RYR2: variants seen among roughly 807,000 people sequenced by gnomAD.
RYR2 encodes cardiac muscle ryanodine receptor-calcium release channel.
In RYR2, 227 loss-of-function variants were observed where a neutral mutation model predicts 601.1. The ratio of observed to expected loss-of-function variants is 0.38; its 90% CI spans 0.34 to 0.42. The LOEUF (loss-of-function observed/expected upper bound fraction) is 0.42. Among genes scored for constraint, RYR2 ranks in the 10% least tolerant of loss-of-function variants. RYR2 has a pLI of 1.00. For missense variants in RYR2, 4,646 were observed against 6,156.5 expected, an observed-to-expected ratio of 0.75 and a Z score of 8.21; for synonymous variants, 2,223 against 2,175.1, an observed-to-expected ratio of 1.02 and a Z score of -0.61.
chr1:237,664,793 A>AG (rs1684148431), intron 56 of RYR2, among the ~76,000 whole-genome samples: 1 of 152,190 alleles, frequency 6.6e-6, no homozygotes, highest in African/African-American at 2.4e-5. Context: ...TAGCTGTGTT[A>AG]GGTGAGGTAA....
chr1:237,679,423 A>T (rs1421291894), intron 61 of RYR2, among the ~76,000 whole-genome samples: 1 of 152,170 alleles, frequency 6.6e-6, no homozygotes, highest in African/African-American at 2.4e-5. Context: ...AGTCCCCATT[A>T]TATATAGCTG....
intron 2 of RYR2, among the ~76,000 whole-genome samples, chr1:237,285,298 G>A (rs894338367): frequency 2.4e-4 from 36 of 152,182 alleles, no homozygotes; most frequent in African/African-American, 7.5e-4. Context: ...TGTGATTTTT[G>A]TTTTTAATTC....
Position 237,631,490 on chromosome 1 carries a change from C to T in RYR2, c.6504C>T (p.His2168=), listed in dbSNP as rs760237464. 1.4e-5 allele frequency: 22 copies of T among 1,613,264 alleles called. No individual in the cohort carries two copies. The highest frequency in any genetic ancestry group is 1.1e-5 in the South Asian group (1 of 91,028). The change falls in exon 42 of 105, where the codon CAC becomes CAT. Residue 2168 remains histidine, a synonymous_variant. Transcript: ENST00000366574. ...HPNLMRALGM[H]ETVMEVMVNV... ...ATCTCATGAGGGCACTGGGGATGCA[C>T]GAGACTGTGATGGAGGTCATGGTGA...
intron 59 of RYR2, among the ~76,000 whole-genome samples, 156 bp downstream of exon 59, chr1:237,674,375 C>T (rs964184868): frequency 2.0e-5 from 3 of 152,062 alleles, no homozygotes; most frequent in African/African-American, 7.2e-5. Flanking sequence ...GAAACATTAA[C>T]ACCCCTAGCT....
chr1:237,217,289 G>C (rs1406273446), intron 1 of RYR2, among the ~76,000 whole-genome samples: 1 of 150,468 alleles, frequency 6.6e-6, no homozygotes, highest in Admixed American at 6.6e-5. Flanking sequence ...TGCCTGACTT[G>C]TTGATCTATG....
At chr1:237,625,052 ATT>A (rs774400711) in intron 39 of RYR2, among the ~76,000 whole-genome samples, 12 of 144,662 alleles carry the variant, frequency 8.3e-5, no homozygotes, top group African/African-American at 2.9e-4. Flanking sequence ...GTATATATAT[ATT>A]TTTTTTTTTC....
intron 14 of RYR2, among the ~76,000 whole-genome samples, chr1:237,453,033 T>G (rs1658384734): frequency 6.6e-6 from 1 of 152,122 alleles, no homozygotes. Flanking sequence ...TACTGAATCG[T>G]TTTTGAATTT....
chr1:237,570,381 CG>C (rs1672560728), intron 29 of RYR2, among the ~76,000 whole-genome samples: 1 of 149,876 alleles, frequency 6.7e-6, no homozygotes, highest in African/African-American at 2.5e-5. Context: ...TCTTGTCGCC[CG>C]GGCTGGAGTT....
At chr1:237,804,863 G>A (rs1218081491) in intron 98 of RYR2, among the ~76,000 whole-genome samples, 1 of 152,154 alleles carries the variant, frequency 6.6e-6, no homozygotes, top group Non-Finnish European at 1.5e-5. Flanking sequence ...AGAAAAGGAG[G>A]GAGAGAAAGC....
chr1:237,212,983 G>T (rs1324892231), intron 1 of RYR2, among the ~76,000 whole-genome samples: 1 of 151,890 alleles, frequency 6.6e-6, no homozygotes, highest in Non-Finnish European at 1.5e-5. Context: ...TGTTGTCCAG[G>T]CTGGTCTCAA....
chr1:237,595,253 G>T (rs1179900795), intron 33 of RYR2, among the ~76,000 whole-genome samples: 1 of 152,060 alleles, frequency 6.6e-6, no homozygotes, highest in Non-Finnish European at 1.5e-5. Context: ...TTCTTACTTG[G>T]TTCCAACTTG....
chr1:237,316,310 A>G (rs1313720975), intron 2 of RYR2, among the ~76,000 whole-genome samples: 1 of 152,140 alleles, frequency 6.6e-6, no homozygotes, highest in Non-Finnish European at 1.5e-5. Context: ...TGGCTTTCAG[A>G]TACTTTTATA....
At position 237,716,058 on chromosome 1, in the gene RYR2, A is replaced by G. The variant is rs75958600; in HGVS notation, c.10324-1140A>G. 2.8e-3 allele frequency among the ~76,000 whole-genome samples: 429 copies of G among 152,254 alleles called. 2 individuals carry two copies. Among genetic ancestry groups the G allele is most frequent in the African/African-American group, 9.7e-3 (405 of 41,582 alleles). Reference sequence around the variant, plus strand: ...CATATCTTTTTGGAACAGAAGTATAATTCTTACTGCTATGGTTCAGAAGAT... The same window carrying G: ...CATATCTTTTTGGAACAGAAGTATAGTTCTTACTGCTATGGTTCAGAAGAT... On this transcript the variant is annotated intron_variant, in intron 71 of 104. Transcript: ENST00000366574.
At chr1:237,290,332 T>G (rs1468460815) in intron 2 of RYR2, among the ~76,000 whole-genome samples, 1 of 152,140 alleles carries the variant, frequency 6.6e-6, no homozygotes, top group Non-Finnish European at 1.5e-5. Context: ...TAAAAGCAGA[T>G]GAGTGGTTGG....
chr1:237,716,969 G>T (rs1305684875), intron 71 of RYR2, among the ~76,000 whole-genome samples: 2 of 151,956 alleles, frequency 1.3e-5, no homozygotes, highest in African/African-American at 2.4e-5. Flanking sequence ...AATTACGTGG[G>T]AATGCATACC....
At chr1:237,551,791 A>G (rs528603898) in intron 27 of RYR2, among the ~76,000 whole-genome samples, 126 of 152,244 alleles carry the variant, frequency 8.3e-4, no homozygotes, top group African/African-American at 2.5e-3. Flanking sequence ...TTATATATTC[A>G]CTGTGTAAGT....
intron 8 of RYR2, among the ~76,000 whole-genome samples, chr1:237,385,035 G>A (rs1039364187): frequency 1.3e-5 from 2 of 151,876 alleles, no homozygotes; most frequent in Non-Finnish European, 2.9e-5. Flanking sequence ...GATTACAAGT[G>A]CCTGCCACCA....
At chr1:237,688,761 AT>A (rs1235334155) in intron 63 of RYR2, among the ~76,000 whole-genome samples, 2 of 152,150 alleles carry the variant, frequency 1.3e-5, no homozygotes, top group Admixed American at 6.5e-5. Flanking sequence ...ATAACAGTGG[AT>A]TCAAATATTC....
intron 1 of RYR2, among the ~76,000 whole-genome samples, chr1:237,047,092 C>T (rs1660687508): frequency 6.6e-6 from 1 of 152,198 alleles, no homozygotes; most frequent in Non-Finnish European, 1.5e-5. Flanking sequence ...AGCCAAATGA[C>T]TTGGCCCAGT....
Sources: gnomAD v4.1 joint callset for allele counts (sites outside exome capture counted in the v4.1 genomes callset) on GRCh38, gnomAD v4.1.1 for gene constraint, MANE v1.5 for transcripts, NCBI Gene and HGNC (gene_info 2026-07-23, HGNC 2026-07-21) for gene names.